The following NOP9 variants were observed in gnomAD, a reference collection of about 807,000 sequenced individuals.
NOP9 encodes NOP9 nucleolar protein.
In NOP9, 50 loss-of-function variants were observed where a neutral mutation model predicts 63.0. The ratio of observed to expected loss-of-function variants is 0.79; its 90% CI spans 0.63 to 1.00. The LOEUF is 1.00. NOP9 is among the 50% of genes least tolerant of loss of function. NOP9 has a pLI of 0.00. For synonymous variants in NOP9, 343 were observed against 332.8 expected (o/e 1.03, Z -0.33); for missense variants, 758 against 803.0 (o/e 0.94, Z 0.68).
upstream of NOP9, chr14:24,298,818 T>C: frequency 9.1e-7 from 1 of 1,103,518 alleles, no homozygotes. Flanking sequence ...TACGGGGTTT[T>C]TAATTTCCAC....
At chr14:24,299,287 G>A (rs932412919), upstream of NOP9, 3 of 654,658 alleles carry the variant, frequency 4.6e-6, no homozygotes, top group Admixed American at 6.2e-5. Context: ...AACTGGGTGC[G>A]GGCCTGAGGA....
In NOP9 at chr14:24,308,358, C is replaced by T. The variant is rs1230779189; in HGVS notation, c.*3263C>T. 1 of 204,432 alleles carries T rather than the reference C, an allele frequency of 4.9e-6. No homozygotes were observed. The highest frequency in any genetic ancestry group is 2.3e-5 in the African/African-American group (1 of 43,134). The allele number at this position is 204,432 out of a possible 1,614,324, so 12.7% of individuals were successfully genotyped here. A position where few individuals can be genotyped will look rare whatever the true frequency, so the allele number is the denominator to read the frequency against. On this transcript the variant is annotated 3_prime_UTR_variant, in exon 10 of 10. Transcript: ENST00000267425. ...GTGGGGAAGTGGGATGGCAGCATGGCAGGGCTTTGGAAAATGAGAGGTGAG... is the reference window on the plus strand; with the variant it reads ...GTGGGGAAGTGGGATGGCAGCATGGTAGGGCTTTGGAAAATGAGAGGTGAG...
chr14:24,275,017 A>T, the NOP9 span, among the ~76,000 whole-genome samples: 16 of 147,298 alleles, frequency 1.1e-4, no homozygotes, highest in African/African-American at 4.1e-4. Context: ...GGTTCAAGCG[A>T]TTCTCCTGCC....
rs914754352 is a variant in NOP9 at position 24,300,839 on chromosome 14, C to A, written c.679C>A (p.Arg227Ser). The change falls in exon 2 of 10, where the codon CGT becomes AGT. Residue 227 changes from arginine (R) to serine (S), a missense_variant. Physicochemically the swap from Arg to Ser is moderately radical, Grantham distance 110. Coordinates refer to ENST00000267425, the MANE Select transcript of NOP9 (RefSeq NM_174913.3). ...TCTGGAGTCTGAGAGAGCCAGGCCC[C>A]GTGGTTCCCAATCATCTGGTAAGTA... ...TILESERARP[R>S]GSQSSEAQKT... is the part of the protein sequence containing the mutation. 1.2e-6 allele frequency: 2 copies of A among 1,612,794 alleles called. No homozygotes were observed. Among genetic ancestry groups the A allele is most frequent in the Non-Finnish European group, 1.7e-6 (2 of 1,179,232 alleles).
upstream of NOP9, chr14:24,298,757 T>G: frequency 1.5e-6 from 1 of 678,302 alleles, no homozygotes; most frequent in Admixed American, 3.5e-5. Context: ...AACACAAAGT[T>G]TTTTCATAAA....
At chr14:24,285,630 CTG>C in the NOP9 span, among the ~76,000 whole-genome samples, 1 of 152,246 alleles carries the variant, frequency 6.6e-6, no homozygotes, top group Non-Finnish European at 1.5e-5. Flanking sequence ...AGACTTTTCA[CTG>C]TGCATCCTTC....
the NOP9 span, chr14:24,291,936 A>G: frequency 4.9e-6 from 3 of 609,308 alleles, no homozygotes; most frequent in South Asian, 2.0e-5. Context: ...TTGGAGCTAG[A>G]CAGCCTTTCC....
At chr14:24,286,557 G>A in the NOP9 span, among the ~76,000 whole-genome samples, 9 of 151,944 alleles carry the variant, frequency 5.9e-5, no homozygotes, top group Admixed American at 2.6e-4. Flanking sequence ...ACCTCACTCT[G>A]TCCTTTCTTT....
intron 2 of NOP9, among the ~76,000 whole-genome samples, chr14:24,301,239 C>CT (rs1353624137): frequency 6.6e-6 from 1 of 151,990 alleles, no homozygotes; most frequent in Admixed American, 6.5e-5. Context: ...CTATTCTGCT[C>CT]TATTTCATTT....
upstream of NOP9, chr14:24,299,220 G>T (rs1196380225): frequency 5.6e-6 from 7 of 1,243,146 alleles, no homozygotes; most frequent in Non-Finnish European, 7.6e-6. Flanking sequence ...CCTCACTAGG[G>T]CTAAGAGGAG....
At chr14:24,292,026 A>T in the NOP9 span, 1 of 944,140 alleles carries the variant, frequency 1.1e-6, no homozygotes, top group Non-Finnish European at 1.6e-6. Flanking sequence ...TGGAGCTGGT[A>T]TCTCCCTTAC....
the NOP9 span, among the ~76,000 whole-genome samples, chr14:24,283,760 A>C: frequency 8.5e-5 from 13 of 152,210 alleles, no homozygotes; most frequent in African/African-American, 3.1e-4. Context: ...ATCAGAATGG[A>C]GCTCAGCTCT....
chr14:24,281,284 G>A, the NOP9 span, among the ~76,000 whole-genome samples: 2 of 152,198 alleles, frequency 1.3e-5, no homozygotes, highest in Non-Finnish European at 2.9e-5. Flanking sequence ...TCCTTAGAGG[G>A]TCAGTCCTGG....
chr14:24,274,509 GATA>G, the NOP9 span, among the ~76,000 whole-genome samples: 615 of 152,248 alleles, frequency 4.0e-3, no homozygotes, highest in African/African-American at 0.014. Flanking sequence ...TGGAACTGAT[GATA>G]ATAAGCCTCT....
chr14:24,283,407 G>A, the NOP9 span, among the ~76,000 whole-genome samples: 1 of 150,500 alleles, frequency 6.6e-6, no homozygotes, highest in Non-Finnish European at 1.5e-5. Flanking sequence ...TGGGCAACAT[G>A]CCAAAACTCT....
the NOP9 span, chr14:24,292,597 A>G: frequency 1.2e-6 from 2 of 1,613,728 alleles, no homozygotes; most frequent in Middle Eastern, 1.7e-4. Flanking sequence ...CTCCTGAGCT[A>G]TAGGTAACAT....
rs377687126 is a variant in NOP9 at position 24,307,470 on chromosome 14, G to C, written c.*2375G>C. ...AAGGTCGCTGGGGTGGTGGAGCTGA[G>C]GTCCAGACCCTCCGTCCAAACTCCG... On this transcript the variant is annotated 3_prime_UTR_variant, in exon 10 of 10. Coordinates refer to ENST00000267425, the MANE Select transcript of NOP9 (RefSeq NM_174913.3). The C allele has an allele frequency of 1.9e-4, 310 of 1,614,098 alleles. 6 individuals carry two copies. The South Asian group carries it at 3.2e-3, about 17-fold the overall frequency.
chr14:24,275,242 G>T, the NOP9 span, among the ~76,000 whole-genome samples: 1 of 152,172 alleles, frequency 6.6e-6, no homozygotes, highest in South Asian at 2.1e-4. Flanking sequence ...TTGAAGAAGA[G>T]ATTTTTACTG....
the NOP9 span, among the ~76,000 whole-genome samples, chr14:24,273,685 G>A: frequency 6.6e-6 from 1 of 152,252 alleles, no homozygotes; most frequent in Admixed American, 6.5e-5. Flanking sequence ...TGTGATGGGA[G>A]TTTTGCATAC....
Sources: allele counts gnomAD v4.1 joint callset (sites outside exome capture counted in the v4.1 genomes callset), GRCh38; gene constraint gnomAD v4.1.1; transcripts MANE v1.5; gene names NCBI Gene and HGNC (gene_info 2026-07-23, HGNC 2026-07-21).